The following SORCS1 variants were observed in gnomAD, a reference collection of about 807,000 sequenced individuals.
SORCS1 encodes the protein sortilin related VPS10 domain containing receptor 1.
Under a neutral mutation model 146.1 loss-of-function variants are expected in SORCS1, and 60 were observed. The ratio of observed to expected loss-of-function variants is 0.41; its 90% CI spans 0.33 to 0.51. The LOEUF (loss-of-function observed/expected upper bound fraction) is 0.51, where lower values mean the gene tolerates loss of function less well. Among genes scored for constraint, SORCS1 ranks in the 20% least tolerant of loss-of-function variants. SORCS1 has a pLI of 0.21. For synonymous variants in SORCS1, 637 were observed against 584.0 expected, an observed-to-expected ratio of 1.09 and a Z score of -1.31; for missense variants, 1,352 against 1,487.6, an observed-to-expected ratio of 0.91 and a Z score of 1.50.
intron 24 of SORCS1, among the ~76,000 whole-genome samples, chr10:106,592,643 A>G (rs75120743): frequency 6.6e-6 from 1 of 152,170 alleles, no homozygotes; most frequent in African/African-American, 2.4e-5. Flanking sequence ...CTTATGAGAC[A>G]TGAAATGTTG....
chr10:107,101,112 T>G (rs1478085481), intron 1 of SORCS1, among the ~76,000 whole-genome samples: 2 of 152,078 alleles, frequency 1.3e-5, no homozygotes, highest in African/African-American at 4.8e-5. Flanking sequence ...CAGGCTGGAG[T>G]GCAATGGCGC....
At chr10:106,819,680 A>G (rs942845705) in intron 3 of SORCS1, among the ~76,000 whole-genome samples, 31 of 152,258 alleles carry the variant, frequency 2.0e-4, no homozygotes, top group African/African-American at 7.5e-4. Context: ...ACACCCCCAC[A>G]CTTGAGTCAT....
At chr10:106,635,330 G>C (rs1190597416) in intron 18 of SORCS1, among the ~76,000 whole-genome samples, 2 of 152,140 alleles carry the variant, frequency 1.3e-5, no homozygotes, top group African/African-American at 2.4e-5. Flanking sequence ...CCTCACTCAA[G>C]CTTCATCAAC....
intron 3 of SORCS1, among the ~76,000 whole-genome samples, chr10:106,822,264 A>C (rs190807728): frequency 5.3e-4 from 80 of 152,298 alleles, no homozygotes; most frequent in African/African-American, 1.8e-3. Context: ...GCTTTGATTT[A>C]TATAAACTAA....
intron 1 of SORCS1, among the ~76,000 whole-genome samples, chr10:107,002,739 A>C (rs1025215520): frequency 6.6e-6 from 1 of 152,186 alleles, no homozygotes; most frequent in African/African-American, 2.4e-5. Flanking sequence ...GGTAGGTTCC[A>C]TGATTGTCTC....
chr10:106,598,897 A>G (rs1444226542), intron 23 of SORCS1, among the ~76,000 whole-genome samples: 1 of 152,200 alleles, frequency 6.6e-6, no homozygotes, highest in African/African-American at 2.4e-5. Context: ...GAGGATGACC[A>G]TCACTGCCCA....
At chr10:106,797,824 C>T (rs1196500753) in intron 3 of SORCS1, among the ~76,000 whole-genome samples, 1 of 152,128 alleles carries the variant, frequency 6.6e-6, no homozygotes. Flanking sequence ...AGCAGGGCAA[C>T]CCCAGAGTGG....
At chr10:107,033,883 G>A (rs564599250) in intron 1 of SORCS1, among the ~76,000 whole-genome samples, 37 of 152,302 alleles carry the variant, frequency 2.4e-4, no homozygotes, top group South Asian at 1.9e-3. Context: ...TGTGGGGTGA[G>A]GGAGCCTAGA....
At chr10:106,838,549 T>G (rs149526351) in intron 2 of SORCS1, among the ~76,000 whole-genome samples, 236 of 152,336 alleles carry the variant, frequency 1.5e-3, no homozygotes, top group Non-Finnish European at 2.8e-3. Context: ...TCATAGAGAA[T>G]AGTTTCACTC....
In SORCS1 at chr10:106,671,272, A is replaced by T; in HGVS notation, c.2154T>A (p.Ser718=). 6.2e-7 allele frequency: 1 copy of T among 1,614,184 alleles called. No individual in the cohort carries two copies. Among genetic ancestry groups the T allele is most frequent in the Non-Finnish European group, 8.5e-7 (1 of 1,180,008 alleles). ...MQGKYAGAME[S]EPCVCTEADF... ...CAGCCTCAGTGCAGACACAGGGTTC[A>T]GATTCCATAGCTCCTGCATATTTTC... Residue 718 remains serine, a synonymous_variant, in exon 16 of 26, where the codon TCT becomes TCA. Coordinates refer to ENST00000263054, the MANE Select transcript of SORCS1 (RefSeq NM_052918.5).
chr10:106,823,775 G>C (rs1948166158), intron 3 of SORCS1, among the ~76,000 whole-genome samples: 1 of 152,152 alleles, frequency 6.6e-6, no homozygotes, highest in Non-Finnish European at 1.5e-5. Context: ...TTATGGAAGA[G>C]GTGGCATTTA....
intron 3 of SORCS1, among the ~76,000 whole-genome samples, chr10:106,803,096 G>A (rs1314263316): frequency 1.3e-5 from 2 of 152,142 alleles, no homozygotes; most frequent in Admixed American, 6.5e-5. Flanking sequence ...TCAATAGTCT[G>A]TAACATATGT....
chr10:106,725,039 C>T (rs1399028187), intron 6 of SORCS1, among the ~76,000 whole-genome samples: 1 of 152,104 alleles, frequency 6.6e-6, no homozygotes, highest in Non-Finnish European at 1.5e-5. Flanking sequence ...ACTGGGGAGG[C>T]TGAGGCAGGA....
intron 8 of SORCS1, among the ~76,000 whole-genome samples, chr10:106,702,853 G>A (rs1481530293): frequency 6.6e-6 from 1 of 152,114 alleles, no homozygotes; most frequent in African/African-American, 2.4e-5. Context: ...TACAGATTTT[G>A]TATTGAAGCA....
chr10:106,928,746 G>C (rs998812574), intron 2 of SORCS1, among the ~76,000 whole-genome samples: 8 of 152,156 alleles, frequency 5.3e-5, no homozygotes, highest in Non-Finnish European at 1.0e-4. Context: ...CTCCCGGGAA[G>C]GGAGAAAGAG....
At chr10:107,031,016 G>T (rs1958626638) in intron 1 of SORCS1, among the ~76,000 whole-genome samples, 1 of 152,166 alleles carries the variant, frequency 6.6e-6, no homozygotes, top group African/African-American at 2.4e-5. Context: ...AAAAACTACT[G>T]TTCACAGTTC....
intron 3 of SORCS1, among the ~76,000 whole-genome samples, chr10:106,801,929 A>G (rs1365845492): frequency 2.6e-5 from 4 of 152,214 alleles, no homozygotes; most frequent in Non-Finnish European, 1.5e-5. Flanking sequence ...CCAGGATTGA[A>G]TGTAGTTAGT....
intron 1 of SORCS1, among the ~76,000 whole-genome samples, chr10:106,971,859 C>A (rs1254311986): frequency 6.6e-6 from 1 of 152,038 alleles, no homozygotes; most frequent in Non-Finnish European, 1.5e-5. Context: ...AGTCTGAATT[C>A]CAGATTTTTC....
At chr10:107,084,848 T>C (rs1963643008) in intron 1 of SORCS1, among the ~76,000 whole-genome samples, 1 of 152,200 alleles carries the variant, frequency 6.6e-6, no homozygotes, top group Admixed American at 6.5e-5. Flanking sequence ...CCAAAATTAT[T>C]TGAGGCTCTA....
Sources: gnomAD v4.1 joint callset for allele counts (sites outside exome capture counted in the v4.1 genomes callset) on GRCh38, gnomAD v4.1.1 for gene constraint, MANE v1.5 for transcripts, NCBI Gene and HGNC (gene_info 2026-07-23, HGNC 2026-07-21) for gene names.